Variants in PRKG1 observed in about 807,000 individuals in gnomAD.
PRKG1 encodes the protein cGMP-dependent protein kinase 1.
Under a neutral mutation model 88.1 loss-of-function variants are expected in PRKG1, and 35 were observed. The observed-to-expected ratio is 0.40, with a 90% CI of 0.30 to 0.53. The LOEUF is 0.53. Among genes scored for constraint, PRKG1 ranks in the 20% least tolerant of loss-of-function variants. The probability of loss-of-function intolerance (pLI) is 0.59; values close to 1 mark genes in which losing one functional copy is unlikely to be tolerated. For missense variants in PRKG1, 540 were observed against 839.8 expected, an observed-to-expected ratio of 0.64 and a Z score of 4.41; for synonymous variants, 303 against 292.5, an observed-to-expected ratio of 1.04 and a Z score of -0.37.
At chr10:51,614,994 T>C (rs981612725) in intron 3 of PRKG1, among the ~76,000 whole-genome samples, 2 of 129,158 alleles carry the variant, frequency 1.5e-5, no homozygotes, top group African/African-American at 5.8e-5. Flanking sequence ...TTTGAATATA[T>C]CCATCTTTGA....
chr10:52,246,246 C>T (rs989834743), intron 9 of PRKG1, among the ~76,000 whole-genome samples: 2 of 151,978 alleles, frequency 1.3e-5, no homozygotes, highest in Non-Finnish European at 2.9e-5. Context: ...ATTCTTATTC[C>T]TTGGTTTTGT....
intron 1 of PRKG1, among the ~76,000 whole-genome samples, chr10:51,137,841 T>C (rs1057024843): frequency 1.8e-4 from 27 of 152,122 alleles, no homozygotes; most frequent in African/African-American, 6.3e-4. Flanking sequence ...CACACCAGTT[T>C]GAGTAAGTGA....
At chr10:51,042,075 G>T (rs1387135855) in intron 1 of PRKG1, among the ~76,000 whole-genome samples, 1 of 152,108 alleles carries the variant, frequency 6.6e-6, no homozygotes, top group Non-Finnish European at 1.5e-5. Flanking sequence ...GCACACACCT[G>T]TAAGCCCAGC....
At chr10:51,979,422 T>TTTG (rs1218172252) in intron 5 of PRKG1, among the ~76,000 whole-genome samples, 5 of 137,732 alleles carry the variant, frequency 3.6e-5, no homozygotes, top group South Asian at 5.0e-4. Context: ...TTTTTTTTTT[T>TTTG]TTTTTTTTTT....
intron 9 of PRKG1, among the ~76,000 whole-genome samples, chr10:52,218,210 CAAAAAA>C (rs35778588): frequency 1.0e-5 from 1 of 95,258 alleles, no homozygotes; most frequent in Non-Finnish European, 2.0e-5. Context: ...GACTCCATCT[CAAAAAA>C]AAAAAAAAAA....
intron 3 of PRKG1, among the ~76,000 whole-genome samples, chr10:51,657,066 T>C (rs1313069346): frequency 6.6e-6 from 1 of 152,172 alleles, no homozygotes; most frequent in Non-Finnish European, 1.5e-5. Flanking sequence ...GATTAATATA[T>C]GTCAAGCATT....
intron 2 of PRKG1, among the ~76,000 whole-genome samples, chr10:51,332,522 G>C (rs559871906): frequency 1.3e-5 from 2 of 152,264 alleles, no homozygotes; most frequent in African/African-American, 4.8e-5. Flanking sequence ...GTAAAACTAT[G>C]AGCTATTCAA....
At chr10:51,640,714 T>C (rs1382074034) in intron 3 of PRKG1, among the ~76,000 whole-genome samples, 2 of 152,204 alleles carry the variant, frequency 1.3e-5, no homozygotes, top group African/African-American at 4.8e-5. Context: ...CCTTCAAGTT[T>C]AGGAAGTGAG....
intron 4 of PRKG1, among the ~76,000 whole-genome samples, chr10:51,892,660 G>C (rs1016159688): frequency 3.9e-5 from 6 of 152,210 alleles, no homozygotes; most frequent in Non-Finnish European, 5.9e-5. Flanking sequence ...CCCAAAGGGC[G>C]TTTGCTTGTC....
At chr10:51,397,278 AG>A (rs1404458484) in intron 2 of PRKG1, among the ~76,000 whole-genome samples, 4 of 152,138 alleles carry the variant, frequency 2.6e-5, no homozygotes. Context: ...GATGTAGACA[AG>A]ACCTTTGGGG....
At chr10:51,157,925 G>T (rs1283393284) in intron 2 of PRKG1, among the ~76,000 whole-genome samples, 1 of 151,728 alleles carries the variant, frequency 6.6e-6, no homozygotes, top group Admixed American at 6.6e-5. Flanking sequence ...TGTAGACATG[G>T]TGGTGTTTTG....
At chr10:51,654,878 A>G (rs992897944) in intron 3 of PRKG1, among the ~76,000 whole-genome samples, 3 of 152,200 alleles carry the variant, frequency 2.0e-5, no homozygotes, top group Non-Finnish European at 4.4e-5. Context: ...GACAGTGTAC[A>G]CAAATACCCT....
At chr10:51,087,771 T>G (rs1276808064) in intron 1 of PRKG1, among the ~76,000 whole-genome samples, 1 of 152,196 alleles carries the variant, frequency 6.6e-6, no homozygotes, top group Non-Finnish European at 1.5e-5. Flanking sequence ...GTTTGCTGTT[T>G]TGTTTTGTTT....
At chr10:51,631,214 C>A (rs981467622) in intron 3 of PRKG1, among the ~76,000 whole-genome samples, 1 of 152,040 alleles carries the variant, frequency 6.6e-6, no homozygotes, top group Non-Finnish European at 1.5e-5. Flanking sequence ...TGGGTCTTTC[C>A]CCCTCTTCAA....
chr10:51,558,151 T>G (rs1354680327), intron 3 of PRKG1, among the ~76,000 whole-genome samples: 1 of 152,144 alleles, frequency 6.6e-6, no homozygotes, highest in Non-Finnish European at 1.5e-5. Context: ...TGCCTGGTTA[T>G]TCACAGATAT....
rs144352990 is a variant in PRKG1 at position 52,142,173 on chromosome 10, A to T, written c.1001+8268A>T. Among the ~76,000 whole-genome samples, 34 of 152,286 alleles carry T rather than the reference A, an allele frequency of 2.2e-4. 3 individuals carry two copies. The East Asian group carries it at 6.6e-3, about 29-fold the overall frequency. On this transcript the variant is annotated intron_variant, in intron 8 of 17. Transcript: ENST00000373980. ...TAAAAATGAGGAAGGCGAGTCCCAG[A>T]AGGAGTGTGGATTGTCCAAGCTCTT...
At chr10:51,680,297 AAAG>A (rs1840819874) in intron 3 of PRKG1, among the ~76,000 whole-genome samples, 1 of 152,158 alleles carries the variant, frequency 6.6e-6, no homozygotes, top group Admixed American at 6.5e-5. Context: ...TAAAAAAAAA[AAAG>A]AATACTTAAA....
chr10:51,071,585 T>C (rs1843826937), upstream of PRKG1, among the ~76,000 whole-genome samples: 1 of 152,206 alleles, frequency 6.6e-6, no homozygotes, highest in South Asian at 2.1e-4. Flanking sequence ...GAGATGTAAA[T>C]TTAAAATGAA....
intron 1 of PRKG1, among the ~76,000 whole-genome samples, chr10:51,082,201 T>G (rs1230610729): frequency 6.6e-6 from 1 of 152,284 alleles, no homozygotes. Context: ...AGCCTGAATT[T>G]GAGCTCCAGA....
Sources: gnomAD v4.1 joint callset for allele counts (sites outside exome capture counted in the v4.1 genomes callset) on GRCh38, gnomAD v4.1.1 for gene constraint, MANE v1.5 for transcripts, NCBI Gene and HGNC (gene_info 2026-07-23, HGNC 2026-07-21) for gene names.